PPP2R2D: variants seen among roughly 807,000 people sequenced by gnomAD.
The protein encoded by PPP2R2D is serine/threonine-protein phosphatase 2A 55 kDa regulatory subunit B delta isoform.
In PPP2R2D, 9 loss-of-function variants were observed where a neutral mutation model predicts 31.1. The ratio of observed to expected loss-of-function variants is 0.29; its 90% CI spans 0.17 to 0.51. The LOEUF (loss-of-function observed/expected upper bound fraction) is 0.51. Ranked by LOEUF, PPP2R2D falls within the 20% of genes least tolerant of loss-of-function variation. The probability of loss-of-function intolerance (pLI) is 0.98; values close to 1 mark genes in which losing one functional copy is unlikely to be tolerated. For synonymous variants in PPP2R2D, 179 were observed against 172.6 expected (o/e 1.04, Z -0.29); for missense variants, 391 against 465.6 (o/e 0.84, Z 1.48).
At chr10:131,902,407 C>A (rs961030056) in intron 2 of PPP2R2D, among the ~76,000 whole-genome samples, 12 of 152,154 alleles carry the variant, frequency 7.9e-5, no homozygotes. Context: ...CCCTGTACCT[C>A]TCCCTGGCAG....
At chr10:131,916,380 T>C (rs540677842) in intron 2 of PPP2R2D, among the ~76,000 whole-genome samples, 1 of 151,110 alleles carries the variant, frequency 6.6e-6, no homozygotes, top group South Asian at 2.1e-4. Flanking sequence ...TGTGGTAAAA[T>C]ATACATGGCA....
chr10:131,915,026 C>T (rs1554892879), intron 2 of PPP2R2D, among the ~76,000 whole-genome samples: 1 of 151,908 alleles, frequency 6.6e-6, no homozygotes, highest in East Asian at 1.9e-4. Context: ...CTGTTGTGCT[C>T]CGGTTTTCTG....
At position 131,903,466 on chromosome 10, in the gene PPP2R2D, CAA is replaced by C. The variant is rs1175160035; in HGVS notation, c.100+2159_100+2160del. 2.1e-3 allele frequency among the ~76,000 whole-genome samples: 154 copies of C among 74,414 alleles called. 1 individual carries two copies. Among genetic ancestry groups the C allele is most frequent in the South Asian group, 7.8e-3 (14 of 1,784 alleles). 48.8% of individuals were successfully genotyped at this position (74,414 alleles called of 152,430 possible). On this transcript the variant is annotated intron_variant, in intron 2 of 8. Coordinates refer to ENST00000455566, the MANE Select transcript of PPP2R2D (RefSeq NM_018461.5). ...TGGACAATAGAACAAGGCTCCATCT[CAA>C]AAAAAAAAAAAAAAAAAAAAAATCT... is the stretch of plus-strand genomic sequence containing the variant.
chr10:131,942,881 T>C (rs1257873901), intron 5 of PPP2R2D, among the ~76,000 whole-genome samples: 1 of 152,052 alleles, frequency 6.6e-6, no homozygotes, highest in African/African-American at 2.4e-5. Context: ...CTCTAGAGAA[T>C]CCAAGGGTGT....
Position 131,945,114 on chromosome 10 carries a change from C to T in PPP2R2D, c.656-181C>T, listed in dbSNP as rs1306055143. On this transcript the variant is annotated intron_variant, in intron 6 of 8. Coordinates refer to ENST00000455566, the MANE Select transcript of PPP2R2D (RefSeq NM_018461.5). The surrounding 1 kb of genome is among the most constrained non-coding windows in gnomAD (Gnocchi z 4.8). The stretch of plus-strand genomic sequence containing the variant: ...GGGGCGTTGCTGTAGTCTGAGTGTG[C>T]TCATCCCAATCCCCTTACCAGGCGC... Among the ~76,000 whole-genome samples, 1 of 152,210 alleles carries T rather than the reference C, an allele frequency of 6.6e-6. No individual in the cohort carries two copies. Among genetic ancestry groups the T allele is most frequent in the Non-Finnish European group, 1.5e-5 (1 of 68,036 alleles).
chr10:131,908,503 A>C (rs2035633299), intron 2 of PPP2R2D, among the ~76,000 whole-genome samples: 1 of 152,156 alleles, frequency 6.6e-6, no homozygotes, highest in Non-Finnish European at 1.5e-5. Flanking sequence ...ATGTATTATT[A>C]GGCTCGTCTC....
chr10:131,947,058 C>T lies in PPP2R2D; in HGVS notation c.821-472C>T, dbSNP rs782572620. ...CAGGCAGTTTCTTAGAGGCACAGAC[C>T]GCTGTGTCTGCATGACCATATAATG... On this transcript the variant is annotated intron_variant, in intron 7 of 8. Transcript: ENST00000455566. The surrounding 1 kb of genome is among the most constrained non-coding windows in gnomAD (Gnocchi z 4.3). Among the ~76,000 whole-genome samples, 4 of 152,092 alleles carry T rather than the reference C, an allele frequency of 2.6e-5. No homozygotes were observed. Among genetic ancestry groups the T allele is most frequent in the African/African-American group, 4.8e-5 (2 of 41,404 alleles).
At chr10:131,948,445 CTA>C (rs1554898373) in intron 8 of PPP2R2D, among the ~76,000 whole-genome samples, 2 of 152,140 alleles carry the variant, frequency 1.3e-5, no homozygotes, top group African/African-American at 4.8e-5. Context: ...ACAGAGGAGT[CTA>C]TTGGCAATAA....
rs1211314021 is a variant in PPP2R2D, at chr10:131,956,074, C to G, written c.*111C>G. The G allele has an allele frequency of 7.8e-7, 1 of 1,278,224 alleles. No individual in the cohort carries two copies. Among genetic ancestry groups the G allele is most frequent in the Non-Finnish European group, 9.9e-7 (1 of 1,012,010 alleles). 79.2% of individuals were successfully genotyped at this position (1,278,224 alleles called of 1,614,324 possible). A position where few individuals can be genotyped will look rare whatever the true frequency, so the allele number is the denominator to read the frequency against. On this transcript the variant is annotated 3_prime_UTR_variant, in exon 9 of 9. Transcript: ENST00000455566. Reference sequence around the variant, plus strand: ...ATTAAGAACAGTGACGCACCTGCTACTTCCCTTCACAGACACAGGAGAAAG... The same window carrying G: ...ATTAAGAACAGTGACGCACCTGCTAGTTCCCTTCACAGACACAGGAGAAAG...
At chr10:131,955,146 G>T (rs541373569) in intron 8 of PPP2R2D, among the ~76,000 whole-genome samples, 1 of 152,350 alleles carries the variant, frequency 6.6e-6, no homozygotes, top group East Asian at 1.9e-4. Context: ...TCTGGAATGT[G>T]TGTGAAATGC....
At chr10:131,941,289 A>G (rs1178692908) in intron 5 of PPP2R2D, among the ~76,000 whole-genome samples, 1 of 152,258 alleles carries the variant, frequency 6.6e-6, no homozygotes, top group East Asian at 1.9e-4. Context: ...TCATATTTTA[A>G]CATTTATGAA....
chr10:131,953,457 C>T (rs1360765103), intron 8 of PPP2R2D, among the ~76,000 whole-genome samples: 11 of 92,804 alleles, frequency 1.2e-4, no homozygotes, highest in East Asian at 9.6e-4. Context: ...TGCAGGTGTG[C>T]GGGGGTTCAC....
Position 131,919,070 on chromosome 10 carries a change from G to A in PPP2R2D, c.101-15388G>A, listed in dbSNP as rs1401569344. On this transcript the variant is annotated intron_variant, in intron 2 of 8. Coordinates refer to ENST00000455566, the MANE Select transcript of PPP2R2D (RefSeq NM_018461.5). ...TGACACAGTGTAGGGACCTCAGGCGGGTGGAGTGACACAGTGTTTGTAGGG... is the reference window on the plus strand; with the variant it reads ...TGACACAGTGTAGGGACCTCAGGCGAGTGGAGTGACACAGTGTTTGTAGGG... 4.7e-5 allele frequency among the ~76,000 whole-genome samples: 6 copies of A among 127,586 alleles called. 1 individual carries two copies. The East Asian group carries it at 1.7e-3, about 37-fold the overall frequency. 83.7% of individuals were successfully genotyped at this position (127,586 alleles called of 152,430 possible). A position where few individuals can be genotyped will look rare whatever the true frequency, so the allele number is the denominator to read the frequency against.
chr10:131,915,180 C>T (rs1161761209), intron 2 of PPP2R2D, among the ~76,000 whole-genome samples: 1 of 151,546 alleles, frequency 6.6e-6, no homozygotes, highest in Non-Finnish European at 1.5e-5. Context: ...AGCTCTAGTA[C>T]ATAACTAGAT....
chr10:131,951,596 G>A (rs2036637039), intron 8 of PPP2R2D, among the ~76,000 whole-genome samples: 1 of 152,196 alleles, frequency 6.6e-6, no homozygotes, highest in Non-Finnish European at 1.5e-5. Context: ...GCTGAGGAGG[G>A]CGGATCACGA....
chr10:131,906,921 A>G (rs961496718), intron 2 of PPP2R2D, among the ~76,000 whole-genome samples: 8 of 152,064 alleles, frequency 5.3e-5, no homozygotes, highest in Non-Finnish European at 7.4e-5. Flanking sequence ...AGCCTGGGCA[A>G]TAGAGTGAGA....
chr10:131,930,072 A>G (rs11146146), intron 2 of PPP2R2D, among the ~76,000 whole-genome samples: 169 of 152,328 alleles, frequency 1.1e-3, no homozygotes, highest in African/African-American at 3.8e-3. Context: ...AAAGAGATCT[A>G]TTGCAAGTTT....
chr10:131,953,708 GGGGGGGT>G (rs2036736926), intron 8 of PPP2R2D, among the ~76,000 whole-genome samples: 3 of 61,556 alleles, frequency 4.9e-5, no homozygotes, highest in African/African-American at 6.5e-5. Context: ...GCGGGTGTGT[GGGGGGGT>G]CACTGTCTTA....
intron 2 of PPP2R2D, among the ~76,000 whole-genome samples, chr10:131,922,321 T>C (rs2036001893): frequency 6.6e-6 from 1 of 152,220 alleles, no homozygotes; most frequent in African/African-American, 2.4e-5. Context: ...AAAGAGTGAA[T>C]GTTAAGTATT....
Sources: gnomAD v4.1 joint callset for allele counts (sites outside exome capture counted in the v4.1 genomes callset) on GRCh38, gnomAD v4.1.1 for gene constraint, Gnocchi (gnomAD v3.1) non-coding constraint, MANE v1.5 for transcripts, NCBI Gene and HGNC (gene_info 2026-07-23, HGNC 2026-07-21) for gene names.